Variants in STAG1 observed in about 807,000 individuals in gnomAD.
STAG1 encodes the protein STAG1 cohesin complex component.
Under a neutral mutation model 170.9 loss-of-function variants are expected in STAG1, and 26 were observed. That is an observed-to-expected ratio of 0.15 (90% CI 0.11 to 0.21). STAG1 has a LOEUF of 0.21. Among genes scored for constraint, STAG1 ranks in the 10% least tolerant of loss-of-function variants. STAG1 has a pLI of 1.00. For missense variants in STAG1, 964 were observed against 1,509.5 expected (o/e 0.64, Z 5.99); for synonymous variants, 514 against 497.7 (o/e 1.03, Z -0.44).
intron 28 of STAG1, among the ~76,000 whole-genome samples, chr3:136,353,105 T>G (rs888490084): frequency 1.3e-5 from 2 of 152,144 alleles, no homozygotes; most frequent in Admixed American, 6.5e-5. Context: ...GACAGTAGAT[T>G]TGAGCTGACA....
intron 3 of STAG1, among the ~76,000 whole-genome samples, chr3:136,622,531 A>G: frequency 6.6e-6 from 1 of 152,170 alleles, no homozygotes; most frequent in East Asian, 1.9e-4. Context: ...CTCCTATTAA[A>G]AGGAGGCTAA....
At chr3:136,685,241 G>A (rs1315607910) in intron 1 of STAG1, among the ~76,000 whole-genome samples, 2 of 152,058 alleles carry the variant, frequency 1.3e-5, no homozygotes, top group Non-Finnish European at 2.9e-5. Context: ...GCTTGAACCC[G>A]GGAGGCAGAG....
intron 7 of STAG1, among the ~76,000 whole-genome samples, chr3:136,520,605 T>C (rs1022035122): frequency 1.3e-5 from 2 of 152,058 alleles, no homozygotes; most frequent in Admixed American, 1.3e-4. Flanking sequence ...AAAAAATGAA[T>C]ATAGTTGGTT....
chr3:136,743,048 T>C (rs980178450), intron 1 of STAG1, among the ~76,000 whole-genome samples: 2 of 152,130 alleles, frequency 1.3e-5, no homozygotes, highest in African/African-American at 4.8e-5. Context: ...AAATAACCGA[T>C]AAATCACTAG....
intron 3 of STAG1, 43 bp from the exon 4 acceptor site, chr3:136,604,516 T>G: frequency 6.5e-7 from 1 of 1,531,100 alleles, no homozygotes; most frequent in South Asian, 1.3e-5. Context: ...TTAGGTTTAC[T>G]TTGCTTTATA....
chr3:136,583,797 A>G lies in STAG1; in HGVS notation c.298-14936T>C, dbSNP rs141481234. Among the ~76,000 whole-genome samples the G allele has an allele frequency of 4.6e-5, 7 of 152,294 alleles. No individual in the cohort carries two copies. The East Asian group carries it at 1.3e-3, about 29-fold the overall frequency. On this transcript the variant is annotated intron_variant, in intron 4 of 33. Coordinates refer to ENST00000383202, the MANE Select transcript of STAG1 (RefSeq NM_005862.3). The stretch of plus-strand genomic sequence containing the variant: ...GAATGAGACACTGTCTCTCAAGGAG[A>G]TTTAAAAAACAAAAACAAAAACAAA...
At chr3:136,471,199 C>T (rs964286353) in intron 12 of STAG1, among the ~76,000 whole-genome samples, 80 of 151,692 alleles carry the variant, frequency 5.3e-4, no homozygotes, top group African/African-American at 1.9e-3. Flanking sequence ...TAACACACTC[C>T]AGCATGAGAA....
intron 1 of STAG1, among the ~76,000 whole-genome samples, chr3:136,729,641 C>T (rs1467177663): frequency 7.0e-6 from 1 of 143,100 alleles, no homozygotes; most frequent in Non-Finnish European, 1.5e-5. Flanking sequence ...GACATGATCT[C>T]GGCTCACTGA....
At chr3:136,356,012 T>C (rs1444389932) in intron 28 of STAG1, among the ~76,000 whole-genome samples, 3 of 151,876 alleles carry the variant, frequency 2.0e-5, no homozygotes, top group Non-Finnish European at 2.9e-5. Context: ...CCTGTCTCTA[T>C]CATATTACCC....
chr3:136,357,571 T>C (rs1936706100), intron 28 of STAG1, 149 bp downstream of exon 28: 3 of 579,542 alleles, frequency 5.2e-6, no homozygotes, highest in South Asian at 5.4e-5. Flanking sequence ...ACATAAATGC[T>C]TGAAGGAAAA....
At chr3:136,538,927 G>A (rs970680173) in intron 6 of STAG1, among the ~76,000 whole-genome samples, 3 of 152,076 alleles carry the variant, frequency 2.0e-5, no homozygotes, top group Non-Finnish European at 4.4e-5. Flanking sequence ...GAGGTCAGGA[G>A]ATCAAGATCA....
intron 28 of STAG1, among the ~76,000 whole-genome samples, chr3:136,355,944 A>G (rs990936885): frequency 3.3e-5 from 5 of 152,230 alleles, no homozygotes; most frequent in Admixed American, 3.3e-4. Flanking sequence ...AGGAAAATGT[A>G]TAGCTGTAAA....
intron 21 of STAG1, among the ~76,000 whole-genome samples, chr3:136,416,786 G>C (rs562216122): frequency 5.0e-4 from 75 of 151,314 alleles, no homozygotes; most frequent in Non-Finnish European, 3.2e-4. Context: ...AATGACTAAT[G>C]TTAGGCAATT....
chr3:136,641,645 C>T (rs1940802874), intron 1 of STAG1, among the ~76,000 whole-genome samples: 1 of 152,150 alleles, frequency 6.6e-6, no homozygotes, highest in African/African-American at 2.4e-5. Context: ...AACAGTAAGG[C>T]TAAGGAACTG....
chr3:136,733,341 G>A (rs1015108321), intron 1 of STAG1, among the ~76,000 whole-genome samples: 1 of 151,778 alleles, frequency 6.6e-6, no homozygotes, highest in Non-Finnish European at 1.5e-5. Flanking sequence ...CCACCTCAGC[G>A]TCCCAAAGTG....
In STAG1 at chr3:136,371,053, A is replaced by G. The variant is rs538676491; in HGVS notation, c.2371-1771T>C. ...CTGACTTTTTAATGATCGCCATTCT[A>G]ACTGGTGTGAGATGGTATCTCATTG... On this transcript the variant is annotated intron_variant, in intron 23 of 33. Transcript: ENST00000383202. Among the ~76,000 whole-genome samples the G allele has an allele frequency of 9.9e-4, 150 of 152,190 alleles. 1 individual carries two copies. The highest frequency in any genetic ancestry group is 1.9e-3 in the Non-Finnish European group (126 of 67,976).
At chr3:136,518,875 C>T (rs944174258) in intron 7 of STAG1, among the ~76,000 whole-genome samples, 13 of 151,898 alleles carry the variant, frequency 8.6e-5, no homozygotes, top group African/African-American at 2.7e-4. Flanking sequence ...TTATGATGAA[C>T]GCAGGTAGAC....
chr3:136,465,085 A>G (rs1466597103), intron 12 of STAG1, 97 bp from the exon 13 acceptor site: 3 of 771,340 alleles, frequency 3.9e-6, no homozygotes, highest in Non-Finnish European at 5.8e-6. Context: ...AAAGCTCAAG[A>G]CTTAATAATT....
chr3:136,423,629 C>T (rs2088024108), intron 16 of STAG1, among the ~76,000 whole-genome samples: 1 of 152,228 alleles, frequency 6.6e-6, no homozygotes, highest in Non-Finnish European at 1.5e-5. Context: ...TGTGAAACCA[C>T]AGGTGATTCC....
Sources: allele counts gnomAD v4.1 joint callset (sites outside exome capture counted in the v4.1 genomes callset), GRCh38; gene constraint gnomAD v4.1.1; transcripts MANE v1.5; gene names NCBI Gene and HGNC (gene_info 2026-07-23, HGNC 2026-07-21).